Variants in STXBP5L observed in about 807,000 individuals in gnomAD.
STXBP5L encodes syntaxin binding protein 5L, also known as syntaxin-binding protein 5-like.
STXBP5L carries 65 observed loss-of-function variants against 144.5 expected under a neutral mutation model. The ratio of observed to expected loss-of-function variants is 0.45; its 90% CI spans 0.37 to 0.55. The LOEUF (loss-of-function observed/expected upper bound fraction) is 0.55, where lower values mean the gene tolerates loss of function less well. Among genes scored for constraint, STXBP5L ranks in the 20% least tolerant of loss-of-function variants. STXBP5L has a pLI of 0.00. For synonymous variants in STXBP5L, 505 were observed against 469.6 expected (o/e 1.08, Z -0.97); for missense variants, 1,298 against 1,405.5 (o/e 0.92, Z 1.22).
chr3:120,988,864 T>C (rs1227252051), intron 3 of STXBP5L, among the ~76,000 whole-genome samples: 1 of 152,086 alleles, frequency 6.6e-6, no homozygotes, highest in Non-Finnish European at 1.5e-5. Context: ...TCACTCTCTA[T>C]GTTTATGTGT....
chr3:121,031,653 T>G (rs986151362), intron 3 of STXBP5L, among the ~76,000 whole-genome samples: 1 of 152,084 alleles, frequency 6.6e-6, no homozygotes, highest in Admixed American at 6.6e-5. Flanking sequence ...TCTGCTGATT[T>G]AAATATTAAT....
chr3:121,313,369 T>G (rs1230663066), intron 19 of STXBP5L, among the ~76,000 whole-genome samples: 4 of 99,704 alleles, frequency 4.0e-5, no homozygotes, highest in Admixed American at 1.0e-4. Flanking sequence ...CCTCCCGGAC[T>G]GGGCGGCTGG....
At chr3:120,932,744 A>G (rs1710013055) in intron 2 of STXBP5L, among the ~76,000 whole-genome samples, 2 of 152,062 alleles carry the variant, frequency 1.3e-5, no homozygotes, top group Admixed American at 6.6e-5. Flanking sequence ...AGACACATGC[A>G]CACGTATGTT....
intron 10 of STXBP5L, among the ~76,000 whole-genome samples, chr3:121,222,135 A>T (rs990305142): frequency 6.6e-6 from 1 of 152,026 alleles, no homozygotes; most frequent in African/African-American, 2.4e-5. Flanking sequence ...TCAATTTGGT[A>T]TTTACTTCTT....
chr3:121,165,632 G>T (rs2046470644), intron 9 of STXBP5L, among the ~76,000 whole-genome samples: 1 of 152,062 alleles, frequency 6.6e-6, no homozygotes, highest in African/African-American at 2.4e-5. Context: ...GAAGAGCAGG[G>T]TTTATTGGGT....
At chr3:121,085,587 G>C (rs1330609148) in intron 5 of STXBP5L, among the ~76,000 whole-genome samples, 2 of 152,202 alleles carry the variant, frequency 1.3e-5, no homozygotes, top group African/African-American at 4.8e-5. Context: ...TTGCTACAAA[G>C]AGAATAAAAT....
chr3:120,991,473 A>T (rs1054079411), intron 3 of STXBP5L, among the ~76,000 whole-genome samples: 4 of 152,196 alleles, frequency 2.6e-5, no homozygotes, highest in African/African-American at 9.7e-5. Context: ...CAGCCATCCC[A>T]TTACTGGGTA....
intron 2 of STXBP5L, among the ~76,000 whole-genome samples, chr3:120,917,483 A>T (rs1709160399): frequency 1.3e-5 from 2 of 152,160 alleles, no homozygotes; most frequent in African/African-American, 4.8e-5. Context: ...AAAGCAATTG[A>T]GGCTACCAGA....
intron 20 of STXBP5L, among the ~76,000 whole-genome samples, chr3:121,372,191 G>T (rs1440534641): frequency 1.3e-5 from 2 of 152,116 alleles, no homozygotes; most frequent in Non-Finnish European, 2.9e-5. Context: ...GTACCTAGGG[G>T]CTGCACTACA....
At chr3:121,254,651 A>T (rs2050147116) in intron 15 of STXBP5L, among the ~76,000 whole-genome samples, 1 of 152,222 alleles carries the variant, frequency 6.6e-6, no homozygotes, top group African/African-American at 2.4e-5. Flanking sequence ...GACACAAGAA[A>T]GCAACTATAT....
intron 24 of STXBP5L, among the ~76,000 whole-genome samples, chr3:121,414,552 C>T (rs558434008): frequency 6.6e-5 from 10 of 152,300 alleles, no homozygotes; most frequent in African/African-American, 2.4e-4. Flanking sequence ...GGATTATGGG[C>T]ACAACTGACT....
intron 2 of STXBP5L, among the ~76,000 whole-genome samples, chr3:120,917,574 A>G (rs1308501154): frequency 3.9e-5 from 6 of 152,100 alleles, no homozygotes; most frequent in Non-Finnish European, 5.9e-5. Context: ...ACATGCCTGT[A>G]GTCCTAGCTA....
chr3:121,053,068 A>G (rs1346876131), intron 5 of STXBP5L, among the ~76,000 whole-genome samples: 1 of 152,210 alleles, frequency 6.6e-6, no homozygotes, highest in Non-Finnish European at 1.5e-5. Flanking sequence ...AAGGAGAACT[A>G]CAAACCACTG....
At position 121,151,854 on chromosome 3, in the gene STXBP5L, C is replaced by G. The variant is rs140738510; in HGVS notation, c.670-623C>G. On this transcript the variant is annotated intron_variant, in intron 7 of 26. Coordinates refer to ENST00000471454, the MANE Select transcript of STXBP5L (RefSeq NM_001308330.2). ...TGGCTAGCATTGTTTAGCTTAATGACTGAGTCTTAAAGATGATCATATTAT... is the reference window on the plus strand; with the variant it reads ...TGGCTAGCATTGTTTAGCTTAATGAGTGAGTCTTAAAGATGATCATATTAT... Among the ~76,000 whole-genome samples, 72 of 151,922 alleles carry G rather than the reference C, an allele frequency of 4.7e-4. 1 individual carries two copies. The East Asian group carries it at 0.013, about 28-fold the overall frequency.
chr3:121,378,687 T>A, intron 20 of STXBP5L, 29 bp from the exon 21 acceptor site: 2 of 1,606,804 alleles, frequency 1.2e-6, no homozygotes, highest in Non-Finnish European at 1.7e-6. Flanking sequence ...AATCATTATA[T>A]GTATGCTGCC....
At chr3:121,344,414 T>C (rs1559998023) in intron 20 of STXBP5L, among the ~76,000 whole-genome samples, 1 of 152,042 alleles carries the variant, frequency 6.6e-6, no homozygotes, top group African/African-American at 2.4e-5. Flanking sequence ...CTAATTAAAT[T>C]AGAATACTAT....
intron 6 of STXBP5L, among the ~76,000 whole-genome samples, chr3:121,115,466 T>G (rs550373634): frequency 1.3e-5 from 2 of 152,186 alleles, no homozygotes; most frequent in Non-Finnish European, 1.5e-5. Flanking sequence ...TAAAATATTG[T>G]TCAGGGCTCA....
At chr3:120,980,485 A>G (rs1359994806) in intron 3 of STXBP5L, among the ~76,000 whole-genome samples, 1 of 146,680 alleles carries the variant, frequency 6.8e-6, no homozygotes, top group South Asian at 2.1e-4. Flanking sequence ...ACTGTTGTTG[A>G]TTTAAAATCT....
intron 3 of STXBP5L, among the ~76,000 whole-genome samples, chr3:121,031,747 T>G (rs1451426158): frequency 6.6e-6 from 1 of 152,140 alleles, no homozygotes. Flanking sequence ...AATTAACCAC[T>G]ACACAAGGAG....
Sources: gnomAD v4.1 joint callset for allele counts (sites outside exome capture counted in the v4.1 genomes callset) on GRCh38, gnomAD v4.1.1 for gene constraint, MANE v1.5 for transcripts, NCBI Gene and HGNC (gene_info 2026-07-23, HGNC 2026-07-21) for gene names.